Variants in ST8SIA1 observed in about 807,000 individuals in gnomAD.
The protein encoded by ST8SIA1 is ST8 alpha-N-acetyl-neuraminide alpha-2,8-sialyltransferase 1.
A neutral mutation model predicts 35.9 loss-of-function variants in ST8SIA1; 16 were observed. The ratio of observed to expected loss-of-function variants is 0.45; its 90% CI spans 0.30 to 0.68. The LOEUF (loss-of-function observed/expected upper bound fraction) is 0.68. Ranked by LOEUF, ST8SIA1 falls within the 30% of genes least tolerant of loss-of-function variation. ST8SIA1 has a pLI of 0.09. For synonymous variants in ST8SIA1, 170 were observed against 169.6 expected (o/e 1.00, Z -0.02); for missense variants, 383 against 453.6 (o/e 0.84, Z 1.41).
intron 2 of ST8SIA1, among the ~76,000 whole-genome samples, chr12:22,258,255 G>T (rs747984380): frequency 6.6e-6 from 1 of 152,088 alleles, no homozygotes; most frequent in Admixed American, 6.5e-5. Flanking sequence ...TCTGGGGAAC[G>T]ATTTGGAGTT....
Position 22,325,067 on chromosome 12 carries a change from C to T in ST8SIA1, c.236+8930G>A, listed in dbSNP as rs995866718. Reference sequence around the variant, plus strand: ...AGAGACTGTTTACAATAAGTACTTCCGAGTGAGGGAATTTCAGCAGGCTTT... The same window carrying T: ...AGAGACTGTTTACAATAAGTACTTCTGAGTGAGGGAATTTCAGCAGGCTTT... On this transcript the variant is annotated intron_variant, in intron 1 of 4. Coordinates refer to ENST00000396037, the MANE Select transcript of ST8SIA1 (RefSeq NM_003034.4). 4 of 179,760 alleles carry T rather than the reference C, an allele frequency of 2.2e-5. No individual in the cohort carries two copies. In the East Asian group the frequency reaches 4.3e-4, roughly 19 times the overall value. The allele number at this position is 179,760 out of a possible 1,614,324, so 11.1% of individuals were successfully genotyped here. A position where few individuals can be genotyped will look rare whatever the true frequency, so the allele number is the denominator to read the frequency against.
intron 1 of ST8SIA1, among the ~76,000 whole-genome samples, chr12:22,329,646 C>T (rs187229496): frequency 1.4e-4 from 22 of 152,268 alleles, no homozygotes; most frequent in African/African-American, 5.3e-4. Flanking sequence ...ACTCCCAATG[C>T]CCTTTTCCTG....
At chr12:22,291,176 G>A (rs770889875) in intron 1 of ST8SIA1, among the ~76,000 whole-genome samples, 39 of 152,264 alleles carry the variant, frequency 2.6e-4, no homozygotes, top group Admixed American at 7.8e-4. Context: ...TGTGCCTACC[G>A]ACTAGGAAGA....
intron 2 of ST8SIA1, among the ~76,000 whole-genome samples, chr12:22,256,047 G>A (rs376011106): frequency 5.3e-5 from 8 of 152,188 alleles, no homozygotes; most frequent in Non-Finnish European, 7.3e-5. Flanking sequence ...GAGCCAACTC[G>A]GGGAAAGCTT....
intron 2 of ST8SIA1, among the ~76,000 whole-genome samples, chr12:22,260,499 G>A (rs149739406): frequency 0.014 from 2,119 of 152,106 alleles, 21 homozygotes; most frequent in Non-Finnish European, 0.019. Flanking sequence ...ACCATCCTAC[G>A]GATCTTTGTC....
At chr12:22,263,534 C>T (rs73083009) in intron 2 of ST8SIA1, among the ~76,000 whole-genome samples, 7,978 of 152,162 alleles carry the variant, frequency 0.052, 350 homozygotes, top group South Asian at 0.17. Context: ...GATTTTGTTA[C>T]ACATTTATGT....
chr12:22,254,490 C>G (rs1865707542), intron 3 of ST8SIA1, among the ~76,000 whole-genome samples: 1 of 152,140 alleles, frequency 6.6e-6, no homozygotes, highest in African/African-American at 2.4e-5. Flanking sequence ...CTAGCCAGAG[C>G]CCTCCAAGTT....
chr12:22,271,093 A>C (rs1182481474), intron 2 of ST8SIA1, among the ~76,000 whole-genome samples: 2 of 152,086 alleles, frequency 1.3e-5, no homozygotes, highest in African/African-American at 4.8e-5. Context: ...TTCCAATAGG[A>C]GCCTCAAGAA....
intron 1 of ST8SIA1, among the ~76,000 whole-genome samples, chr12:22,305,140 C>G (rs1866368922): frequency 6.6e-6 from 1 of 152,084 alleles, no homozygotes; most frequent in South Asian, 2.1e-4. Context: ...CCTAATATAT[C>G]TCTTTATTTA....
intron 4 of ST8SIA1, among the ~76,000 whole-genome samples, chr12:22,229,831 T>C (rs1389508897): frequency 6.6e-6 from 1 of 152,072 alleles, no homozygotes; most frequent in Non-Finnish European, 1.5e-5. Context: ...CAGAAGAGAT[T>C]CAAGGCCTGG....
intron 1 of ST8SIA1, among the ~76,000 whole-genome samples, chr12:22,320,476 C>T (rs73257838): frequency 1.6e-3 from 245 of 152,248 alleles, no homozygotes; most frequent in African/African-American, 5.5e-3. Context: ...TCCACCCCCA[C>T]GGAGAGGGGA....
At position 22,253,241 on chromosome 12, in the gene ST8SIA1, C is replaced by T. The variant is rs541259335; in HGVS notation, c.491+2039G>A. On this transcript the variant is annotated intron_variant, in intron 3 of 4. Transcript: ENST00000396037. Reference sequence around the variant, plus strand: ...AACAGCAAGGACTTGTCTCCTATCTCGCTGTGTTCTTTGCTGGCTCTTCAG... The same window carrying T: ...AACAGCAAGGACTTGTCTCCTATCTTGCTGTGTTCTTTGCTGGCTCTTCAG... Among the ~76,000 whole-genome samples, 316 of 152,280 alleles carry T rather than the reference C, an allele frequency of 2.1e-3. 3 individuals carry two copies. Among genetic ancestry groups the T allele is most frequent in the African/African-American group, 7.2e-3 (298 of 41,562 alleles).
chr12:22,293,831 A>C (rs576427744), intron 1 of ST8SIA1, among the ~76,000 whole-genome samples: 9 of 152,342 alleles, frequency 5.9e-5, no homozygotes, highest in South Asian at 4.2e-4. Flanking sequence ...CCATATAAAG[A>C]GTAGAAGCTG....
chr12:22,292,541 C>CAT (rs1336239770), intron 1 of ST8SIA1, among the ~76,000 whole-genome samples: 1 of 150,800 alleles, frequency 6.6e-6, no homozygotes, highest in African/African-American at 2.5e-5. Context: ...CAAAATGTGG[C>CAT]ATATATATGG....
At chr12:22,247,091 C>T (rs1254219139) in intron 4 of ST8SIA1, among the ~76,000 whole-genome samples, 1 of 131,258 alleles carries the variant, frequency 7.6e-6, no homozygotes, top group East Asian at 2.7e-4. Flanking sequence ...TCCCTCATCT[C>T]CTTCCCTCCC....
intron 4 of ST8SIA1, among the ~76,000 whole-genome samples, chr12:22,205,376 A>G (rs959085389): frequency 2.0e-5 from 3 of 152,202 alleles, no homozygotes; most frequent in Non-Finnish European, 4.4e-5. Context: ...AATTATTAAA[A>G]TAGAAATGAT....
At chr12:22,321,020 AAGAAAGAAAGAAAG>A (rs1866591617) in intron 1 of ST8SIA1, among the ~76,000 whole-genome samples, 3 of 79,986 alleles carry the variant, frequency 3.8e-5, no homozygotes, top group African/African-American at 1.6e-4. Flanking sequence ...GAAAGAAAGA[AAGAAAGAAAGAAAG>A]AGAAAGAGAA....
chr12:22,294,652 C>T (rs1866221320), intron 1 of ST8SIA1, among the ~76,000 whole-genome samples: 1 of 152,044 alleles, frequency 6.6e-6, no homozygotes, highest in South Asian at 2.1e-4. Flanking sequence ...GAAATGTGTT[C>T]CAAAGAAAGG....
intron 4 of ST8SIA1, among the ~76,000 whole-genome samples, chr12:22,208,379 TG>T (rs1204652541): frequency 1.3e-5 from 2 of 152,102 alleles, no homozygotes; most frequent in Non-Finnish European, 2.9e-5. Flanking sequence ...AAATATTTAT[TG>T]GAACCAATAG....
Sources: allele counts gnomAD v4.1 joint callset (sites outside exome capture counted in the v4.1 genomes callset), GRCh38; gene constraint gnomAD v4.1.1; transcripts MANE v1.5; gene names NCBI Gene and HGNC (gene_info 2026-07-23, HGNC 2026-07-21).